Variants in LRRC7 observed in about 807,000 individuals in gnomAD.
The protein encoded by LRRC7 is leucine rich repeat containing 7, also known as leucine-rich repeat-containing protein 7.
In LRRC7, 23 loss-of-function variants were observed where a neutral mutation model predicts 175.7. The observed-to-expected ratio is 0.13, with a 90% CI of 0.09 to 0.19. The LOEUF (loss-of-function observed/expected upper bound fraction) is 0.19, where lower values mean the gene tolerates loss of function less well. LRRC7 is among the 10% of genes least tolerant of loss of function. The pLI is 1.00. For missense variants in LRRC7, 1,354 were observed against 1,904.7 expected, an observed-to-expected ratio of 0.71 and a Z score of 5.38; for synonymous variants, 685 against 680.9, an observed-to-expected ratio of 1.01 and a Z score of -0.09.
intron 2 of LRRC7, among the ~76,000 whole-genome samples, chr1:69,728,512 T>TATTGCTACATCA (rs1394171455): frequency 2.6e-5 from 4 of 152,210 alleles, no homozygotes; most frequent in Non-Finnish European, 4.4e-5. Flanking sequence ...CAAGACAGAT[T>TATTGCTACATCA]AGATAGTTAT....
intron 17 of LRRC7, among the ~76,000 whole-genome samples, chr1:70,024,207 A>G (rs1250785064): frequency 6.6e-6 from 1 of 151,968 alleles, no homozygotes; most frequent in Non-Finnish European, 1.5e-5. Context: ...TTAACAATCA[A>G]TGATCAAAGT....
Position 69,865,469 on chromosome 1 carries a change from C to CTTTTTTTTTTTTTTTTTTTTTTTTTTT in LRRC7, c.647+27211_647+27212insTTTTTTTTTTTTTTTTTTTTTTTTTTT, listed in dbSNP as rs532063540. 2.2e-3 allele frequency among the ~76,000 whole-genome samples: 113 copies of CTTTTTTTTTTTTTTTTTTTTTTTTTTT among 51,260 alleles called. 31 individuals carry two copies. Among genetic ancestry groups the CTTTTTTTTTTTTTTTTTTTTTTTTTTT allele is most frequent in the South Asian group, 5.5e-3 (6 of 1,086 alleles). The allele number at this position is 51,260 out of a possible 152,430, so 33.6% of individuals were successfully genotyped here. A position where few individuals can be genotyped will look rare whatever the true frequency, so the allele number is the denominator to read the frequency against. Reference sequence around the variant, plus strand: ...ATAAGCAAGCTGCTGAAGACAGTTCCTTTTTTTTTTTTTTTTTTTTTTTTT... The same window carrying CTTTTTTTTTTTTTTTTTTTTTTTTTTT: ...ATAAGCAAGCTGCTGAAGACAGTTCCTTTTTTTTTTTTTTTTTTTTTTTTTTTTTTTTTTTTTTTTTTTTTTTTTTTT... On this transcript the variant is annotated intron_variant, in intron 7 of 26. Transcript: ENST00000651989.
At chr1:69,795,065 C>G (rs1461535997) in intron 4 of LRRC7, among the ~76,000 whole-genome samples, 2 of 152,174 alleles carry the variant, frequency 1.3e-5, no homozygotes, top group African/African-American at 4.8e-5. Flanking sequence ...ATCACATCAG[C>G]CATTTCAGAA....
intron 7 of LRRC7, among the ~76,000 whole-genome samples, chr1:69,927,765 C>T (rs1283711267): frequency 1.3e-5 from 2 of 152,054 alleles, no homozygotes; most frequent in Admixed American, 1.3e-4. Flanking sequence ...TTCCTCCTGT[C>T]GTTCGGAGTA....
At chr1:69,971,534 A>G (rs1652236684) in intron 8 of LRRC7, among the ~76,000 whole-genome samples, 1 of 152,134 alleles carries the variant, frequency 6.6e-6, no homozygotes, top group Non-Finnish European at 1.5e-5. Context: ...AGCTGCAAAC[A>G]AACAAAATAC....
At position 69,788,597 on chromosome 1, in the gene LRRC7, G is replaced by A. The variant is rs368894592; in HGVS notation, c.304-3446G>A. Among the ~76,000 whole-genome samples, 356 of 152,276 alleles carry A rather than the reference G, an allele frequency of 2.3e-3. 1 individual carries two copies. Among genetic ancestry groups the A allele is most frequent in the African/African-American group, 8.2e-3 (342 of 41,554 alleles). ...AATATCTGAAACTAGCTTGAGCTACGTATTCTTTGAGTTGAGATTATCTTT... is the reference window on the plus strand; with the variant it reads ...AATATCTGAAACTAGCTTGAGCTACATATTCTTTGAGTTGAGATTATCTTT... On this transcript the variant is annotated intron_variant, in intron 3 of 26. Transcript: ENST00000651989.
intron 2 of LRRC7, among the ~76,000 whole-genome samples, chr1:69,756,273 G>C (rs1184699016): frequency 6.6e-6 from 1 of 151,832 alleles, no homozygotes; most frequent in Non-Finnish European, 1.5e-5. Context: ...TATTTGAATT[G>C]TAGGATAAGT....
intron 2 of LRRC7, among the ~76,000 whole-genome samples, chr1:69,755,700 T>C (rs905255020): frequency 1.3e-5 from 2 of 151,732 alleles, no homozygotes; most frequent in African/African-American, 4.8e-5. Context: ...AGGCAAGAAA[T>C]TGAAGAGACT....
rs1172856047 is a variant in LRRC7 at position 69,929,580 on chromosome 1, C to T, written c.648-1927C>T. On this transcript the variant is annotated intron_variant, in intron 7 of 26. Coordinates refer to ENST00000651989, the MANE Select transcript of LRRC7 (RefSeq NM_001370785.2). Reference sequence around the variant, plus strand: ...TACCATTGCCTTATTATGGCCACCACTGTGGCCATAAATTTTTTATAATAA... The same window carrying T: ...TACCATTGCCTTATTATGGCCACCATTGTGGCCATAAATTTTTTATAATAA... Among the ~76,000 whole-genome samples the T allele has an allele frequency of 2.0e-5, 3 of 152,166 alleles. No individual in the cohort carries two copies. In the East Asian group the frequency reaches 5.8e-4, roughly 29 times the overall value.
In LRRC7 at chr1:70,124,525, A is replaced by T. The variant is rs1309518377; in HGVS notation, c.*2638A>T. On this transcript the variant is annotated 3_prime_UTR_variant, in exon 27 of 27. Coordinates refer to ENST00000651989, the MANE Select transcript of LRRC7 (RefSeq NM_001370785.2). Reference sequence around the variant, plus strand: ...GGGCAACAGAGCGAAACTCTGTCTCAAAATAAATAAATAAATTATTTATTT... The same window carrying T: ...GGGCAACAGAGCGAAACTCTGTCTCTAAATAAATAAATAAATTATTTATTT... 6.6e-6 allele frequency among the ~76,000 whole-genome samples: 1 copy of T among 152,154 alleles called. No homozygotes were observed. The highest frequency in any genetic ancestry group is 1.5e-5 in the Non-Finnish European group (1 of 68,026).
intron 7 of LRRC7, among the ~76,000 whole-genome samples, chr1:69,900,142 T>C (rs1206823073): frequency 2.6e-5 from 4 of 152,212 alleles, no homozygotes; most frequent in Non-Finnish European, 5.9e-5. Context: ...CGGACCAGAT[T>C]TGGCCTGCAG....
chr1:69,953,349 C>T (rs1037463470), intron 8 of LRRC7, among the ~76,000 whole-genome samples: 12 of 152,032 alleles, frequency 7.9e-5, no homozygotes, highest in Admixed American at 3.9e-4. Context: ...GCACTTTCTC[C>T]AAAATTCCTT....
At chr1:69,692,190 G>A (rs1312978611) in intron 2 of LRRC7, among the ~76,000 whole-genome samples, 1 of 152,168 alleles carries the variant, frequency 6.6e-6, no homozygotes, top group Non-Finnish European at 1.5e-5. Context: ...TTAATGTAGT[G>A]TATCTTAGCT....
At chr1:69,781,596 C>A (rs574648799) in intron 3 of LRRC7, among the ~76,000 whole-genome samples, 1 of 149,548 alleles carries the variant, frequency 6.7e-6, no homozygotes, top group East Asian at 2.0e-4. Context: ...GCAGGAGAAT[C>A]GCTTGAACCT....
intron 13 of LRRC7, among the ~76,000 whole-genome samples, chr1:70,013,341 A>G (rs747846744): frequency 4.2e-4 from 64 of 151,920 alleles, no homozygotes; most frequent in Non-Finnish European, 8.0e-4. Flanking sequence ...AAATTTATAT[A>G]CAAAAGCCTT....
At chr1:69,785,809 C>T (rs577185487) in intron 3 of LRRC7, among the ~76,000 whole-genome samples, 33 of 152,010 alleles carry the variant, frequency 2.2e-4, no homozygotes, top group African/African-American at 5.8e-4. Flanking sequence ...AATAATAATC[C>T]GAATATGAGT....
intron 7 of LRRC7, among the ~76,000 whole-genome samples, chr1:69,907,518 T>C (rs1646359972): frequency 6.6e-6 from 1 of 152,228 alleles, no homozygotes; most frequent in South Asian, 2.1e-4. Flanking sequence ...GTTGAGATAA[T>C]CACGTGGTTT....
At chr1:69,967,640 C>T (rs1651793448) in intron 8 of LRRC7, among the ~76,000 whole-genome samples, 1 of 152,186 alleles carries the variant, frequency 6.6e-6, no homozygotes, top group Non-Finnish European at 1.5e-5. Flanking sequence ...TCTGTACAGA[C>T]AACCCCCAGT....
intron 25 of LRRC7, among the ~76,000 whole-genome samples, chr1:70,101,537 T>C (rs1005347846): frequency 1.3e-5 from 2 of 152,216 alleles, no homozygotes; most frequent in African/African-American, 4.8e-5. Context: ...GAATGTTAAA[T>C]GTTGGCCTTG....
Sources: gnomAD v4.1 joint callset for allele counts (sites outside exome capture counted in the v4.1 genomes callset) on GRCh38, gnomAD v4.1.1 for gene constraint, MANE v1.5 for transcripts, NCBI Gene and HGNC (gene_info 2026-07-23, HGNC 2026-07-21) for gene names.